Variants in TARS3 observed in about 807,000 individuals in gnomAD.
The protein encoded by TARS3 is threonyl-tRNA synthetase 3.
A neutral mutation model predicts 103.5 loss-of-function variants in TARS3; 94 were observed. The ratio of observed to expected loss-of-function variants is 0.91; its 90% CI spans 0.77 to 1.08. The LOEUF (loss-of-function observed/expected upper bound fraction) is 1.08. TARS3 is among the 50% of genes least tolerant of loss of function. The pLI, the probability that TARS3 is intolerant of heterozygous loss-of-function variation, is 0.00. For synonymous variants in TARS3, 416 were observed against 355.4 expected (o/e 1.17, Z -1.92); for missense variants, 952 against 995.2 (o/e 0.96, Z 0.58).
In TARS3 at chr15:101,723,950, GGGC is replaced by G. The variant is rs1900624229; in HGVS notation, c.297+138_297+140del. On this transcript the variant is annotated intron_variant, in intron 1 of 18. Transcript: ENST00000335968. ...CCACACGGGACCACCGAGCAGGGCA[GGGC>G]GGGCCAGCCGCAGGGCACTGGGAGG... 7.7e-6 allele frequency: 6 copies of G among 778,438 alleles called. No homozygotes were observed. In the South Asian group the frequency reaches 1.9e-4, roughly 24 times the overall value. The allele number at this position is 778,438 out of a possible 1,614,324, so 48.2% of individuals were successfully genotyped here.
At chr15:101,656,122 C>A (rs888543881) in intron 18 of TARS3, 2 of 1,124,642 alleles carry the variant, frequency 1.8e-6, no homozygotes, top group Non-Finnish European at 2.4e-6. Flanking sequence ...GAGGGTTGAG[C>A]TCCTGATTGC....
At chr15:101,723,568 G>A (rs1900599908) in intron 1 of TARS3, among the ~76,000 whole-genome samples, 1 of 152,096 alleles carries the variant, frequency 6.6e-6, no homozygotes, top group Non-Finnish European at 1.5e-5. Context: ...GTTAAAAGAA[G>A]ATAATTTATC....
At chr15:101,708,199 A>G (rs548133529) in intron 6 of TARS3, among the ~76,000 whole-genome samples, 1 of 137,676 alleles carries the variant, frequency 7.3e-6, no homozygotes, top group South Asian at 2.6e-4. Context: ...CCAAGATAGT[A>G]GTGAGCCAAG....
At chr15:101,680,699 C>T (rs1009639426) in intron 12 of TARS3, among the ~76,000 whole-genome samples, 34 of 152,162 alleles carry the variant, frequency 2.2e-4, no homozygotes, top group Non-Finnish European at 4.6e-4. Context: ...ATTCTGGATT[C>T]AAGTCCTTTA....
rs140811653 is a variant in TARS3 at position 101,660,418 on chromosome 15, T to A, written c.2072+1294A>T. ...ATGCATGGTGATAGTAGTGAATCCC[T>A]TAATGTCAGTGCAATGCTTTACTTA... On this transcript the variant is annotated intron_variant, in intron 16 of 18. Transcript: ENST00000335968. Among the ~76,000 whole-genome samples, 404 of 152,342 alleles carry A rather than the reference T, an allele frequency of 2.7e-3. 2 individuals carry two copies. Among genetic ancestry groups the A allele is most frequent in the African/African-American group, 9.2e-3 (383 of 41,576 alleles).
At chr15:101,658,572 G>C (rs1897264893) in intron 16 of TARS3, among the ~76,000 whole-genome samples, 1 of 152,190 alleles carries the variant, frequency 6.6e-6, no homozygotes, top group Non-Finnish European at 1.5e-5. Context: ...CCTTACAAGT[G>C]ATGGACTGTC....
chr15:101,714,457 T>C (rs1249085019), intron 4 of TARS3, among the ~76,000 whole-genome samples: 2 of 151,434 alleles, frequency 1.3e-5, no homozygotes, highest in African/African-American at 4.9e-5. Flanking sequence ...TATGAAAAAT[T>C]ATCTGAGTGT....
chr15:101,711,576 T>G (rs887636293), intron 5 of TARS3, among the ~76,000 whole-genome samples: 1 of 152,232 alleles, frequency 6.6e-6, no homozygotes, highest in Non-Finnish European at 1.5e-5. Flanking sequence ...TTCCTTATGA[T>G]TTTCTTAACA....
chr15:101,661,685 A>G (rs1332652683), intron 16 of TARS3, 27 bp downstream of exon 16: 1 of 1,310,732 alleles, frequency 7.6e-7, no homozygotes, highest in Admixed American at 1.8e-5. Flanking sequence ...TAATAGACAT[A>G]TAGTTTTTCT....
intron 2 of TARS3, among the ~76,000 whole-genome samples, chr15:101,722,216 CCT>C (rs1491480728): frequency 1.5e-5 from 2 of 133,056 alleles, no homozygotes; most frequent in Non-Finnish European, 3.5e-5. Context: ...CTGGCATCTC[CCT>C]TTTTTTTTTT....
At chr15:101,660,254 A>G (rs754620222) in intron 16 of TARS3, among the ~76,000 whole-genome samples, 2 of 152,200 alleles carry the variant, frequency 1.3e-5, no homozygotes, top group Non-Finnish European at 2.9e-5. Context: ...TGCTTAGCCA[A>G]TTTCTAAAAA....
At position 101,708,774 on chromosome 15, in the gene TARS3, A is replaced by G. The variant is rs183635844; in HGVS notation, c.930+19T>C. 1.4e-3 allele frequency: 2,082 copies of G among 1,481,388 alleles called. 1 individual carries two copies. Among genetic ancestry groups the G allele is most frequent in the Non-Finnish European group, 1.7e-3 (1,823 of 1,058,988 alleles). The allele number at this position is 1,481,388 out of a possible 1,614,324, so 91.8% of individuals were successfully genotyped here. On this transcript the variant is annotated intron_variant, in intron 6 of 18. Coordinates refer to ENST00000335968, the MANE Select transcript of TARS3 (RefSeq NM_152334.3). ...TTTTAATATTCCTAGTAAGAGGTTTAGGAGTTTCCCCAAGTTACCTTAAAC... is the reference window on the plus strand; with the variant it reads ...TTTTAATATTCCTAGTAAGAGGTTTGGGAGTTTCCCCAAGTTACCTTAAAC...
intron 12 of TARS3, among the ~76,000 whole-genome samples, chr15:101,676,425 G>A (rs1337038340): frequency 3.9e-5 from 6 of 152,176 alleles, no homozygotes; most frequent in Admixed American, 3.9e-4. Context: ...ACCAGAGAGA[G>A]GCAGCTGAAA....
At chr15:101,655,969 G>A (rs1291412751) in intron 18 of TARS3, 4 of 1,289,104 alleles carry the variant, frequency 3.1e-6, no homozygotes, top group Non-Finnish European at 4.0e-6. Flanking sequence ...ATTGTGAGAT[G>A]ATGCAGGAAT....
chr15:101,664,508 C>T (rs1250018419), intron 15 of TARS3: 1 of 152,214 alleles, frequency 6.6e-6, no homozygotes, highest in Admixed American at 6.5e-5. Flanking sequence ...GACTTGGCCA[C>T]TGGGTGGCGA....
At chr15:101,711,564 TCTTC>T (rs1344735927) in intron 5 of TARS3, among the ~76,000 whole-genome samples, 2 of 152,258 alleles carry the variant, frequency 1.3e-5, no homozygotes, top group Admixed American at 6.5e-5. Flanking sequence ...ATACATTTTC[TCTTC>T]CTTATGATTT....
At chr15:101,681,153 T>C (rs1243611985) in intron 12 of TARS3, among the ~76,000 whole-genome samples, 3 of 152,250 alleles carry the variant, frequency 2.0e-5, no homozygotes, top group Non-Finnish European at 1.5e-5. Context: ...TTTATCTATC[T>C]AGACCAGCAT....
At chr15:101,660,240 C>A (rs189907537) in intron 16 of TARS3, among the ~76,000 whole-genome samples, 42 of 152,286 alleles carry the variant, frequency 2.8e-4, no homozygotes, top group African/African-American at 1.0e-3. Flanking sequence ...ACTGCATGAG[C>A]AGATGCTTAG....
rs1899359338 is a variant in TARS3 at position 101,703,023 on chromosome 15, C to T, written c.1075-638G>A. ...ACAGTAGGTATGGGGAAGTAAAGGT[C>T]GGTCTTGCTGACCTACAGTCAATGA... On this transcript the variant is annotated intron_variant, in intron 8 of 18. Transcript: ENST00000335968. Among the ~76,000 whole-genome samples, 4 of 152,134 alleles carry T rather than the reference C, an allele frequency of 2.6e-5. 1 individual carries two copies. The highest frequency in any genetic ancestry group is 2.1e-4 in the South Asian group (1 of 4,826).
Sources: allele counts gnomAD v4.1 joint callset (sites outside exome capture counted in the v4.1 genomes callset), GRCh38; gene constraint gnomAD v4.1.1; transcripts MANE v1.5; gene names NCBI Gene and HGNC (gene_info 2026-07-23, HGNC 2026-07-21).